Variants in PBX1 observed in about 807,000 individuals in gnomAD.
The protein encoded by PBX1 is PBX homeobox 1.
PBX1 carries 6 observed loss-of-function variants against 53.4 expected under a neutral mutation model. The observed-to-expected ratio is 0.11, with a 90% CI of 0.06 to 0.22. PBX1 has a LOEUF of 0.22. PBX1 is among the 10% of genes least tolerant of loss of function. PBX1 has a pLI of 1.00. For synonymous variants in PBX1, 204 were observed against 212.3 expected, an observed-to-expected ratio of 0.96 and a Z score of 0.34; for missense variants, 251 against 551.4, an observed-to-expected ratio of 0.46 and a Z score of 5.46.
chr1:164,799,992 C>T (rs774282430), intron 4 of PBX1, 103 bp downstream of exon 4: 12 of 1,066,218 alleles, frequency 1.1e-5, no homozygotes, highest in Admixed American at 2.4e-5. Context: ...ACCCCATCAA[C>T]GCTGAACCAA....
At chr1:164,760,418 T>TCCTC (rs1165362666) in intron 2 of PBX1, among the ~76,000 whole-genome samples, 6 of 106,648 alleles carry the variant, frequency 5.6e-5, no homozygotes, top group Admixed American at 1.2e-4. Flanking sequence ...CTTCCATCCC[T>TCCTC]CCTCCCTCCC....
chr1:164,832,067 A>G (rs997398646), intron 8 of PBX1, among the ~76,000 whole-genome samples: 5 of 152,334 alleles, frequency 3.3e-5, no homozygotes, highest in East Asian at 1.9e-4. Context: ...AAGTTGAATT[A>G]TAGTGTGATT....
intron 2 of PBX1, among the ~76,000 whole-genome samples, chr1:164,864,103 C>T (rs1672161388): frequency 6.6e-6 from 1 of 152,124 alleles, no homozygotes; most frequent in African/African-American, 2.4e-5. Context: ...TTAATTGCCA[C>T]GGGCAGGGTG....
At chr1:164,625,808 TTA>T in intron 2 of PBX1, 4 of 337,916 alleles carry the variant, frequency 1.2e-5, no homozygotes, top group Non-Finnish European at 1.7e-5. Flanking sequence ...CTGATGGGAT[TTA>T]AAAAAAAAAA....
At position 164,792,629 on chromosome 1, in the gene PBX1, C is replaced by T. The variant is rs754428947; in HGVS notation, c.401C>T (p.Ala134Val). The T allele has an allele frequency of 2.5e-6, 4 of 1,613,610 alleles. No homozygotes were observed. The highest frequency in any genetic ancestry group is 3.3e-5 in the Admixed American group (2 of 59,968). Residue 134 changes from alanine (A) to valine (V), a missense_variant, in exon 3 of 9, where the codon GCG becomes GTG. Coordinates refer to ENST00000420696, the MANE Select transcript of PBX1 (RefSeq NM_002585.4). ...TCGGCGGCAGCGGCGGCAGCGGCGG[C>T]GGCTTCTGGAGGGGCAGGTTCAGAC... is the stretch of plus-strand genomic sequence containing the variant. ...GGSAAAAAAA[A>V]ASGGAGSDNS...
rs1250318687 is a variant in PBX1 at position 164,870,731 on chromosome 1, C to G, written n.258-28457C>G. 3.3e-5 allele frequency among the ~76,000 whole-genome samples: 5 copies of G among 152,294 alleles called. No individual in the cohort carries two copies. In the East Asian group the frequency reaches 7.7e-4, roughly 24 times the overall value. On this transcript the variant is annotated intron_variant and non_coding_transcript_variant, in intron 2 of 2. Coordinates refer to the PBX1 transcript ENST00000558796. ...TCTCTAGCTCTACCATTCTGTTATT[C>G]TAGCCAAACAAATCTAAAAGTAAAT... is the stretch of plus-strand genomic sequence containing the variant.
At chr1:164,872,088 C>T (rs1672396976) in intron 2 of PBX1, among the ~76,000 whole-genome samples, 1 of 152,146 alleles carries the variant, frequency 6.6e-6, no homozygotes, top group Non-Finnish European at 1.5e-5. Context: ...TGGACCTTCT[C>T]CCTAGTGAAA....
At chr1:164,733,763 TAAA>T (rs1665125221) in intron 2 of PBX1, among the ~76,000 whole-genome samples, 1 of 152,224 alleles carries the variant, frequency 6.6e-6, no homozygotes, top group Admixed American at 6.5e-5. Context: ...AAATTTTTAA[TAAA>T]AATGTTTAAC....
intron 2 of PBX1, among the ~76,000 whole-genome samples, chr1:164,755,302 A>G (rs993742433): frequency 2.0e-5 from 3 of 152,116 alleles, no homozygotes; most frequent in African/African-American, 2.4e-5. Context: ...GCCATGCACC[A>G]CCATGGCCAG....
chr1:164,768,169 A>C (rs1667167983), intron 2 of PBX1, among the ~76,000 whole-genome samples: 1 of 152,232 alleles, frequency 6.6e-6, no homozygotes, highest in Admixed American at 6.5e-5. Flanking sequence ...GCCATGTGCT[A>C]GGGGCTCAGC....
chr1:164,869,616 G>A (rs952951493), intron 2 of PBX1, among the ~76,000 whole-genome samples: 1 of 152,256 alleles, frequency 6.6e-6, no homozygotes, highest in East Asian at 1.9e-4. Context: ...AGACCAAATA[G>A]TCCCTGCCCT....
At chr1:164,679,396 G>A (rs1050585647) in intron 2 of PBX1, among the ~76,000 whole-genome samples, 1 of 152,214 alleles carries the variant, frequency 6.6e-6, no homozygotes, top group Non-Finnish European at 1.5e-5. Context: ...GGTGGGAGGG[G>A]TGCTGTCAGG....
At chr1:164,725,927 C>T (rs551046752) in intron 2 of PBX1, among the ~76,000 whole-genome samples, 5 of 152,198 alleles carry the variant, frequency 3.3e-5, no homozygotes, top group African/African-American at 1.2e-4. Context: ...ATGGAGTCTT[C>T]GATGACCCCA....
intron 2 of PBX1, among the ~76,000 whole-genome samples, chr1:164,753,102 T>A (rs1666320187): frequency 6.6e-6 from 1 of 152,216 alleles, no homozygotes; most frequent in Non-Finnish European, 1.5e-5. Context: ...ACGATCTGAA[T>A]CTTTTATCTG....
In PBX1 at chr1:164,750,633, G is replaced by A. The variant is rs114189592; in HGVS notation, c.266-41861G>A. Among the ~76,000 whole-genome samples, 882 of 152,338 alleles carry A rather than the reference G, an allele frequency of 5.8e-3. 9 individuals are homozygous for A. The highest frequency in any genetic ancestry group is 0.02 in the African/African-American group (852 of 41,588). The stretch of plus-strand genomic sequence containing the variant: ...GCACCAGTGGGGGCAGAGACAGTCA[G>A]AAGTAGCTTTCAGGAGGCTTGGGAA... On this transcript the variant is annotated intron_variant, in intron 2 of 8. Coordinates refer to ENST00000420696, the MANE Select transcript of PBX1 (RefSeq NM_002585.4).
At chr1:164,599,071 A>ATTTTT (rs375145672) in intron 2 of PBX1, among the ~76,000 whole-genome samples, 1,276 of 118,800 alleles carry the variant, frequency 0.011, 64 homozygotes, top group African/African-American at 0.024. Flanking sequence ...TTTCCTCCTG[A>ATTTTT]TTTTTTTTTT....
At chr1:164,834,633 C>G (rs1472976984) in intron 8 of PBX1, among the ~76,000 whole-genome samples, 3 of 152,200 alleles carry the variant, frequency 2.0e-5, no homozygotes, top group African/African-American at 7.2e-5. Flanking sequence ...GCGTGAGCCA[C>G]TATACCCGGC....
intron 2 of PBX1, among the ~76,000 whole-genome samples, chr1:164,730,623 G>C (rs1001667599): frequency 1.3e-5 from 2 of 152,028 alleles, no homozygotes; most frequent in African/African-American, 4.8e-5. Flanking sequence ...GGCTCTCTCT[G>C]TTCTCCTTGC....
intron 2 of PBX1, among the ~76,000 whole-genome samples, chr1:164,615,368 C>G (rs950855648): frequency 6.6e-6 from 1 of 152,030 alleles, no homozygotes; most frequent in Non-Finnish European, 1.5e-5. Context: ...ATCTTTTTCT[C>G]TAGGTTCAAT....
Sources: allele counts gnomAD v4.1 joint callset (sites outside exome capture counted in the v4.1 genomes callset), GRCh38; gene constraint gnomAD v4.1.1; transcripts MANE v1.5; gene names NCBI Gene and HGNC (gene_info 2026-07-23, HGNC 2026-07-21).